The following VEPH1 variants were observed in gnomAD, a reference collection of about 807,000 sequenced individuals.
VEPH1 encodes the protein ventricular zone-expressed PH domain-containing protein homolog 1.
In VEPH1, 80 loss-of-function variants were observed where a neutral mutation model predicts 85.2. That is an observed-to-expected ratio of 0.94 (90% CI 0.78 to 1.13). The LOEUF (loss-of-function observed/expected upper bound fraction) is 1.13, where lower values mean the gene tolerates loss of function less well. Ranked by LOEUF, VEPH1 falls within the 50% of genes most tolerant of loss-of-function variation. VEPH1 has a pLI of 0.00. For synonymous variants in VEPH1, 297 were observed against 348.0 expected, an observed-to-expected ratio of 0.85 and a Z score of 1.63; for missense variants, 955 against 980.5, an observed-to-expected ratio of 0.97 and a Z score of 0.35.
intron 2 of VEPH1, among the ~76,000 whole-genome samples, chr3:157,478,888 G>A (rs1191167614): frequency 6.6e-6 from 1 of 152,104 alleles, no homozygotes; most frequent in Non-Finnish European, 1.5e-5. Context: ...ACTACAAAGA[G>A]ATTTTTCAAC....
intron 6 of VEPH1, among the ~76,000 whole-genome samples, chr3:157,398,445 C>T (rs976729153): frequency 3.3e-5 from 5 of 152,044 alleles, no homozygotes; most frequent in Admixed American, 6.6e-5. Context: ...ACTATCCTGG[C>T]CAATATGGTG....
At chr3:157,460,683 G>A (rs1436602169) in intron 3 of VEPH1, among the ~76,000 whole-genome samples, 5 of 152,180 alleles carry the variant, frequency 3.3e-5, no homozygotes, top group Non-Finnish European at 7.3e-5. Flanking sequence ...TGTCTTAGTT[G>A]GGACCTCATG....
intron 11 of VEPH1, among the ~76,000 whole-genome samples, chr3:157,287,173 G>A (rs1379588980): frequency 6.6e-6 from 1 of 152,102 alleles, no homozygotes; most frequent in Non-Finnish European, 1.5e-5. Flanking sequence ...AGGAGTTCAA[G>A]ACCAGCCTGG....
chr3:157,471,138 A>G (rs1242699711), intron 2 of VEPH1, among the ~76,000 whole-genome samples: 1 of 152,212 alleles, frequency 6.6e-6, no homozygotes, highest in Non-Finnish European at 1.5e-5. Flanking sequence ...CACTGCATTA[A>G]TTTGGATAAT....
Position 157,313,606 on chromosome 3 carries a change from G to T in VEPH1, c.2010+15C>A, listed in dbSNP as rs1260658142. 3 of 1,612,734 alleles carry T rather than the reference G, an allele frequency of 1.9e-6. No individual in the cohort carries two copies. In the South Asian group the frequency reaches 3.3e-5, roughly 18 times the overall value. On this transcript the variant is annotated intron_variant, in intron 11 of 13. Coordinates refer to ENST00000362010, the MANE Select transcript of VEPH1 (RefSeq NM_001167912.2). ...AATCTTGGCCTGTAACATGGCCAAG[G>T]AAAGGAATATTTACCTTCTGCTGTG...
At chr3:157,311,087 G>C (rs890645121) in intron 11 of VEPH1, among the ~76,000 whole-genome samples, 2 of 152,196 alleles carry the variant, frequency 1.3e-5, no homozygotes. Context: ...AGCCTAGTGT[G>C]TGCCAAGCAC....
intron 2 of VEPH1, among the ~76,000 whole-genome samples, chr3:157,481,386 T>C (rs1738033904): frequency 7.2e-6 from 1 of 139,472 alleles, no homozygotes; most frequent in Non-Finnish European, 1.5e-5. Context: ...ACCAACATCA[T>C]TTTTCACAGA....
chr3:157,455,174 C>T (rs1421309180), intron 4 of VEPH1, among the ~76,000 whole-genome samples: 2 of 152,170 alleles, frequency 1.3e-5, no homozygotes, highest in South Asian at 2.1e-4. Context: ...CACCAAACTG[C>T]TTTCCACAGT....
At chr3:157,418,660 C>T (rs553417796) in intron 5 of VEPH1, among the ~76,000 whole-genome samples, 1 of 151,556 alleles carries the variant, frequency 6.6e-6, no homozygotes, top group South Asian at 2.1e-4. Context: ...GAACTACAAA[C>T]CACTGCTCAA....
At chr3:157,421,613 T>C (rs990572287) in intron 5 of VEPH1, among the ~76,000 whole-genome samples, 8 of 152,168 alleles carry the variant, frequency 5.3e-5, no homozygotes, top group Admixed American at 1.3e-4. Flanking sequence ...CCTTGCTCAC[T>C]GTCTAATTAA....
intron 11 of VEPH1, among the ~76,000 whole-genome samples, chr3:157,294,504 A>G (rs1329152501): frequency 2.6e-5 from 4 of 152,208 alleles, no homozygotes; most frequent in Admixed American, 1.3e-4. Context: ...CTACAGCTGC[A>G]CAGTGATTTA....
At chr3:157,283,978 C>A (rs1003991246) in intron 12 of VEPH1, among the ~76,000 whole-genome samples, 2 of 152,300 alleles carry the variant, frequency 1.3e-5, no homozygotes, top group African/African-American at 4.8e-5. Context: ...ACATAGTACT[C>A]AGTTGGGCAT....
At chr3:157,398,841 T>C (rs1340744303) in intron 6 of VEPH1, among the ~76,000 whole-genome samples, 1 of 152,000 alleles carries the variant, frequency 6.6e-6, no homozygotes, top group Non-Finnish European at 1.5e-5. Flanking sequence ...AGTTTAGACC[T>C]GTTGCAGAGA....
rs1482723928 is a variant in VEPH1, at chr3:157,470,320, A to T, written c.348T>A (p.Ile116=). ...ATGTTGAACACTGACATACCTGTAAAATGCAACTCATGATATCAGATGCGA... is the reference window on the plus strand; with the variant it reads ...ATGTTGAACACTGACATACCTGTAATATGCAACTCATGATATCAGATGCGA... ...AKIASDIMSC[I]LQNYNRPPVM... Residue 116 remains isoleucine (I), a synonymous_variant, in exon 3 of 14, where the codon ATT becomes ATA. Coordinates refer to ENST00000362010, the MANE Select transcript of VEPH1 (RefSeq NM_001167912.2). 6.2e-7 allele frequency: 1 copy of T among 1,614,080 alleles called. No individual in the cohort carries two copies. Among genetic ancestry groups the T allele is most frequent in the East Asian group, 2.2e-5 (1 of 44,880 alleles).
intron 2 of VEPH1, among the ~76,000 whole-genome samples, chr3:157,480,447 C>A (rs770753220): frequency 3.3e-5 from 5 of 151,966 alleles, no homozygotes; most frequent in Non-Finnish European, 7.4e-5. Context: ...TCATTCCTTA[C>A]CTTCTTCCCT....
intron 10 of VEPH1, among the ~76,000 whole-genome samples, chr3:157,314,785 C>G (rs918702944): frequency 5.3e-5 from 8 of 152,082 alleles, no homozygotes; most frequent in African/African-American, 1.9e-4. Flanking sequence ...GATAATTTCT[C>G]TAAATGTTGA....
intron 11 of VEPH1, among the ~76,000 whole-genome samples, chr3:157,305,278 T>C (rs1254424960): frequency 1.3e-5 from 2 of 151,002 alleles, no homozygotes; most frequent in Non-Finnish European, 3.0e-5. Flanking sequence ...CCCGGCTAAT[T>C]TTTTGTATTT....
At chr3:157,457,591 G>C (rs1167138083) in intron 4 of VEPH1, among the ~76,000 whole-genome samples, 1 of 152,180 alleles carries the variant, frequency 6.6e-6, no homozygotes, top group Admixed American at 6.5e-5. Context: ...TTAACATGAA[G>C]CGGTGTTGAA....
chr3:157,363,489 G>A lies in VEPH1; in HGVS notation c.1610C>T (p.Thr537Ile), dbSNP rs148731684. ...ATCTTGGTATTCTATAGGACTTGCA[G>A]TTGTCTCTGGAGTTTCTTCCTGGGA... ...ENSQEETPET[T>I]ASPIEYQDKL... The change falls in exon 9 of 14, where the codon ACT (threonine) becomes ATT (isoleucine). Residue 537 changes from threonine to isoleucine, a missense_variant. Coordinates refer to ENST00000362010, the MANE Select transcript of VEPH1 (RefSeq NM_001167912.2). 5.1e-5 allele frequency: 82 copies of A among 1,613,914 alleles called. No homozygotes were observed. Among genetic ancestry groups the A allele is most frequent in the Non-Finnish European group, 6.3e-5 (74 of 1,179,990 alleles).
Sources: allele counts gnomAD v4.1 joint callset (sites outside exome capture counted in the v4.1 genomes callset), GRCh38; gene constraint gnomAD v4.1.1; transcripts MANE v1.5; gene names NCBI Gene and HGNC (gene_info 2026-07-23, HGNC 2026-07-21).